PDE4D: variants seen among roughly 807,000 people sequenced by gnomAD.
PDE4D encodes the protein phosphodiesterase 4D.
In PDE4D, 24 loss-of-function variants were observed where a neutral mutation model predicts 87.4. The ratio of observed to expected loss-of-function variants is 0.27; its 90% CI spans 0.20 to 0.39. PDE4D has a LOEUF of 0.39. Among genes scored for constraint, PDE4D ranks in the 10% least tolerant of loss-of-function variants. The pLI is 1.00. For missense variants in PDE4D, 714 were observed against 1,041.0 expected, an observed-to-expected ratio of 0.69 and a Z score of 4.32; for synonymous variants, 384 against 383.2, an observed-to-expected ratio of 1.00 and a Z score of -0.02.
At chr5:59,499,515 T>A (rs1290411408) in intron 1 of PDE4D, among the ~76,000 whole-genome samples, 1 of 151,004 alleles carries the variant, frequency 6.6e-6, no homozygotes. Flanking sequence ...TAAAAAAAGA[T>A]TGATATACTG....
intron 1 of PDE4D, among the ~76,000 whole-genome samples, chr5:59,496,627 A>T (rs1034140699): frequency 1.3e-5 from 2 of 152,044 alleles, no homozygotes; most frequent in African/African-American, 4.8e-5. Context: ...CCCCTAAGGG[A>T]GGGGGATGTA....
Position 60,001,159 on chromosome 5 carries a change from C to G in PDE4D, c.43-12442G>C, listed in dbSNP as rs185001263. 2.3e-3 allele frequency among the ~76,000 whole-genome samples: 348 copies of G among 152,168 alleles called. 2 individuals carry two copies. The highest frequency in any genetic ancestry group is 8.2e-3 in the African/African-American group (339 of 41,522). On this transcript the variant is annotated intron_variant, in intron 2 of 16. Coordinates refer to the PDE4D transcript ENST00000502484. Reference sequence around the variant, plus strand: ...CTACCCATAGACATACTCAGAGAGCCAGGGGGAGTCCTCCAGAAACCCAGA... The same window carrying G: ...CTACCCATAGACATACTCAGAGAGCGAGGGGGAGTCCTCCAGAAACCCAGA...
intron 3 of PDE4D, among the ~76,000 whole-genome samples, chr5:59,981,441 C>T (rs1434358479): frequency 2.0e-5 from 3 of 152,074 alleles, no homozygotes; most frequent in African/African-American, 7.2e-5. Context: ...CCAAAAGAAT[C>T]CAATTTTGTC....
chr5:59,857,506 A>T (rs185351), intron 1 of PDE4D, among the ~76,000 whole-genome samples: 101,323 of 151,994 alleles, frequency 0.67, 35,292 homozygotes, highest in African/African-American at 0.87. Context: ...GAATATCACA[A>T]AGGGAGGGAT....
At chr5:60,108,084 C>T (rs12517828) in intron 2 of PDE4D, among the ~76,000 whole-genome samples, 85,325 of 151,378 alleles carry the variant, frequency 0.56, 24,804 homozygotes, top group African/African-American at 0.68. Context: ...TGTTTGCAGA[C>T]GACATGATTG....
chr5:59,205,467 T>C (rs1019259200), intron 2 of PDE4D, among the ~76,000 whole-genome samples: 5 of 152,084 alleles, frequency 3.3e-5, no homozygotes, highest in Admixed American at 1.3e-4. Flanking sequence ...TCAAATACTG[T>C]TTTGTTTTTA....
At chr5:59,376,059 G>T (rs1423517287) in intron 1 of PDE4D, among the ~76,000 whole-genome samples, 1 of 152,138 alleles carries the variant, frequency 6.6e-6, no homozygotes, top group Non-Finnish European at 1.5e-5. Context: ...AGCCATCAAT[G>T]ATATACCCAC....
At chr5:59,355,154 G>A (rs1441335036) in intron 1 of PDE4D, among the ~76,000 whole-genome samples, 1 of 152,156 alleles carries the variant, frequency 6.6e-6, no homozygotes, top group African/African-American at 2.4e-5. Flanking sequence ...ATTTTGGAAA[G>A]GGTCAGAACT....
At position 58,974,644 on chromosome 5, in the gene PDE4D, G is replaced by A; in HGVS notation, c.*20C>T. On this transcript the variant is annotated 3_prime_UTR_variant, in exon 15 of 15. Transcript: ENST00000340635. ...ATTTTTCTACTTAAAAAAAAAAAAGGCATGAAAGTTTTTGCACTGTTACGT... is the reference window on the plus strand; with the variant it reads ...ATTTTTCTACTTAAAAAAAAAAAAGACATGAAAGTTTTTGCACTGTTACGT... The A allele has an allele frequency of 6.6e-7, 1 of 1,508,006 alleles. No homozygotes were observed. Among genetic ancestry groups the A allele is most frequent in the African/African-American group, 1.4e-5 (1 of 71,050 alleles). 93.4% of individuals were successfully genotyped at this position (1,508,006 alleles called of 1,614,324 possible).
intron 1 of PDE4D, among the ~76,000 whole-genome samples, chr5:59,653,101 T>C (rs1743774929): frequency 6.6e-6 from 1 of 151,784 alleles, no homozygotes; most frequent in Non-Finnish European, 1.5e-5. Flanking sequence ...CTGAAAGATA[T>C]CATCCAACAT....
intron 1 of PDE4D, among the ~76,000 whole-genome samples, chr5:60,305,036 T>TACAC (rs1491102237): frequency 1.5e-4 from 15 of 99,678 alleles, no homozygotes; most frequent in African/African-American, 6.4e-4. Flanking sequence ...AGTTTTGAGC[T>TACAC]ATACACACAC....
chr5:59,077,691 C>T (rs946490394), intron 5 of PDE4D, among the ~76,000 whole-genome samples: 1 of 152,008 alleles, frequency 6.6e-6, no homozygotes, highest in Non-Finnish European at 1.5e-5. Flanking sequence ...TTTTCTCAAA[C>T]ACATCTTAGG....
Position 59,066,984 on chromosome 5 carries a change from C to T in PDE4D, c.809-28013G>A, listed in dbSNP as rs73093312. On this transcript the variant is annotated intron_variant, in intron 5 of 14. Transcript: ENST00000340635. Reference sequence around the variant, plus strand: ...TATGTTGTTTATAAGCCACCCAGCTCGTGATTTATTTATTTATTTATTTAT... The same window carrying T: ...TATGTTGTTTATAAGCCACCCAGCTTGTGATTTATTTATTTATTTATTTAT... Among the ~76,000 whole-genome samples the T allele has an allele frequency of 3.7e-3, 492 of 132,756 alleles. 2 individuals are homozygous for T. The highest frequency in any genetic ancestry group is 0.013 in the African/African-American group (469 of 35,270). 87.1% of individuals were successfully genotyped at this position (132,756 alleles called of 152,430 possible).
chr5:59,643,337 C>T lies in PDE4D; in HGVS notation c.455+249831G>A, dbSNP rs1215005278. On this transcript the variant is annotated intron_variant, in intron 1 of 14. Transcript: ENST00000340635. ...GAGACAGTGGCCCAGAGAGGGAACT[C>T]AGGGACATCTGCACAGGCCCCCTCT... 2.0e-5 allele frequency among the ~76,000 whole-genome samples: 3 copies of T among 152,128 alleles called. No homozygotes were observed. In the East Asian group the frequency reaches 5.8e-4, roughly 29 times the overall value.
In PDE4D at chr5:59,111,551, A is replaced by C. The variant is rs562784997; in HGVS notation, c.808+69044T>G. Among the ~76,000 whole-genome samples the C allele has an allele frequency of 4.9e-3, 750 of 152,206 alleles. 8 individuals are homozygous for C. The highest frequency in any genetic ancestry group is 0.017 in the African/African-American group (721 of 41,494). The stretch of plus-strand genomic sequence containing the variant: ...TATACAAATTCAGTTTATAACTAAG[A>C]CATTGTTTTGAGAAAAAAAAAGCCA... On this transcript the variant is annotated intron_variant, in intron 5 of 14. Transcript: ENST00000340635.
At chr5:60,403,536 T>A (rs1401583157) in intron 1 of PDE4D, among the ~76,000 whole-genome samples, 2 of 152,246 alleles carry the variant, frequency 1.3e-5, no homozygotes, top group African/African-American at 4.8e-5. Context: ...CCTGTATTCA[T>A]GTTCTGTGTG....
chr5:59,269,954 A>AGAGG (rs1763516825), intron 1 of PDE4D, among the ~76,000 whole-genome samples: 1 of 152,082 alleles, frequency 6.6e-6, no homozygotes. Context: ...ACTTGGCTTC[A>AGAGG]GAGGGACTAG....
chr5:59,198,357 A>G (rs376691950), intron 2 of PDE4D, among the ~76,000 whole-genome samples: 2 of 152,346 alleles, frequency 1.3e-5, no homozygotes, highest in East Asian at 3.8e-4. Context: ...GTATGTATGC[A>G]CATATGTATG....
At chr5:59,016,503 T>C (rs992020991) in intron 6 of PDE4D, among the ~76,000 whole-genome samples, 1 of 151,776 alleles carries the variant, frequency 6.6e-6, no homozygotes, top group Non-Finnish European at 1.5e-5. Context: ...AGACAGCATT[T>C]CCTAGAATGT....
Sources: allele counts gnomAD v4.1 joint callset (sites outside exome capture counted in the v4.1 genomes callset), GRCh38; gene constraint gnomAD v4.1.1; transcripts MANE v1.5; gene names NCBI Gene and HGNC (gene_info 2026-07-23, HGNC 2026-07-21).